The following HHLA2 variants were observed in gnomAD, a reference collection of about 807,000 sequenced individuals.
The protein encoded by HHLA2 is HERV-H LTR-associating protein 2.
A neutral mutation model predicts 45.9 loss-of-function variants in HHLA2; 48 were observed. The ratio of observed to expected loss-of-function variants is 1.05; its 90% CI spans 0.83 to 1.33. HHLA2 has a LOEUF of 1.33. HHLA2 is among the 40% of genes most tolerant of loss of function. The pLI, the probability that HHLA2 is intolerant of heterozygous loss-of-function variation, is 0.00. For missense variants in HHLA2, 462 were observed against 494.3 expected, an observed-to-expected ratio of 0.93 and a Z score of 0.62; for synonymous variants, 161 against 173.9, an observed-to-expected ratio of 0.93 and a Z score of 0.59.
intron 8 of HHLA2, among the ~76,000 whole-genome samples, chr3:108,366,014 C>G (rs909538769): frequency 9.9e-5 from 15 of 152,170 alleles, no homozygotes; most frequent in African/African-American, 3.6e-4. Context: ...ACTTCCAATA[C>G]TATGTTGAAC....
intron 8 of HHLA2, 125 bp from the exon 8 acceptor site, chr3:108,375,625 A>G (rs2082262631): frequency 1.6e-6 from 2 of 1,233,794 alleles, no homozygotes; most frequent in Admixed American, 5.8e-5. Flanking sequence ...GACACACGAA[A>G]AACCCTTCAA....
chr3:108,315,927 A>G (rs1296610838), intron 2 of HHLA2, among the ~76,000 whole-genome samples: 1 of 152,184 alleles, frequency 6.6e-6, no homozygotes, highest in Non-Finnish European at 1.5e-5. Flanking sequence ...AGAGGAATAT[A>G]TTTAGTCATC....
chr3:108,331,685 C>A (rs555878041), intron 3 of HHLA2, among the ~76,000 whole-genome samples: 29 of 152,132 alleles, frequency 1.9e-4, no homozygotes, highest in African/African-American at 6.5e-4. Flanking sequence ...TAATAAGAAC[C>A]CAGTGAATGA....
At chr3:108,372,430 A>G (rs2082194751) in intron 8 of HHLA2, among the ~76,000 whole-genome samples, 1 of 152,006 alleles carries the variant, frequency 6.6e-6, no homozygotes, top group South Asian at 2.1e-4. Flanking sequence ...GAGAAGCAAG[A>G]GCAAACACAT....
chr3:108,328,485 G>A, intron 3 of HHLA2: 3 of 611,692 alleles, frequency 4.9e-6, no homozygotes, highest in Non-Finnish European at 8.0e-6. Flanking sequence ...ATTTGGAGGT[G>A]AATATTATTA....
chr3:108,375,236 A>T (rs1389999726), intron 8 of HHLA2, among the ~76,000 whole-genome samples: 1 of 151,758 alleles, frequency 6.6e-6, no homozygotes, highest in Non-Finnish European at 1.5e-5. Context: ...AGGACAAAAA[A>T]CCAAACACGG....
chr3:108,377,972 T>C (rs561611252), exon 11 of HHLA2: 2 of 152,322 alleles, frequency 1.3e-5, no homozygotes, highest in Non-Finnish European at 2.9e-5. Context: ...AAAATAGCCT[T>C]AACTGATGAC....
chr3:108,317,985 C>T (rs1370819349), intron 2 of HHLA2, among the ~76,000 whole-genome samples: 1 of 151,850 alleles, frequency 6.6e-6, no homozygotes, highest in Non-Finnish European at 1.5e-5. Flanking sequence ...AATTCGAGAC[C>T]AGCCTCACCA....
intron 7 of HHLA2, among the ~76,000 whole-genome samples, chr3:108,361,814 T>C (rs2081988759): frequency 6.6e-6 from 1 of 152,054 alleles, no homozygotes. Context: ...TTTTATCACC[T>C]CTGAACTTAC....
chr3:108,329,067 AT>A (rs1387102369), intron 3 of HHLA2, among the ~76,000 whole-genome samples: 1 of 152,152 alleles, frequency 6.6e-6, no homozygotes, highest in Non-Finnish European at 1.5e-5. Flanking sequence ...AGAGTGTTTG[AT>A]TAGCTAAGTT....
At chr3:108,317,575 T>C (rs1025344235) in intron 2 of HHLA2, among the ~76,000 whole-genome samples, 1 of 145,492 alleles carries the variant, frequency 6.9e-6, no homozygotes, top group Non-Finnish European at 1.5e-5. Flanking sequence ...GGAGATTACT[T>C]CTTTTTTTTT....
chr3:108,306,283 G>C (rs950627038), intron 1 of HHLA2, among the ~76,000 whole-genome samples: 2 of 152,148 alleles, frequency 1.3e-5, no homozygotes, highest in African/African-American at 2.4e-5. Flanking sequence ...TCTGCTTCTT[G>C]TAGAACGTGA....
At chr3:108,342,407 G>C (rs968403010) in intron 3 of HHLA2, among the ~76,000 whole-genome samples, 2 of 151,964 alleles carry the variant, frequency 1.3e-5, no homozygotes, top group African/African-American at 4.8e-5. Context: ...GGGATTACAG[G>C]TGCCTACCAC....
intron 3 of HHLA2, among the ~76,000 whole-genome samples, chr3:108,342,414 C>T (rs1455560746): frequency 6.6e-6 from 1 of 152,010 alleles, no homozygotes; most frequent in Non-Finnish European, 1.5e-5. Flanking sequence ...CAGGTGCCTA[C>T]CACAATGCCT....
At chr3:108,358,015 C>T (rs764478334) in exon 7 of HHLA2, 2 of 1,613,792 alleles carry the variant, frequency 1.2e-6, no homozygotes, top group South Asian at 1.1e-5. Context: ...ATCAATGAAT[C>T]CCGATTCTCA....
At chr3:108,351,788 C>T (rs964614904) in exon 4 of HHLA2, 3 of 1,604,240 alleles carry the variant, frequency 1.9e-6, no homozygotes, top group Middle Eastern at 1.7e-4. Flanking sequence ...TCTTTGATAG[C>T]ATGACTAATA....
intron 2 of HHLA2, among the ~76,000 whole-genome samples, chr3:108,321,791 A>G (rs888775993): frequency 6.6e-6 from 1 of 151,812 alleles, no homozygotes; most frequent in Non-Finnish European, 1.5e-5. Flanking sequence ...CCTGATTTTA[A>G]AAATCTTTTT....
At chr3:108,361,017 G>A (rs375987652) in intron 7 of HHLA2, among the ~76,000 whole-genome samples, 9 of 152,228 alleles carry the variant, frequency 5.9e-5, no homozygotes, top group Middle Eastern at 3.4e-3. Flanking sequence ...TGCTGCCCTC[G>A]TTTTAGCAGA....
At chr3:108,305,856 A>G (rs2080920452) in intron 1 of HHLA2, among the ~76,000 whole-genome samples, 1 of 152,218 alleles carries the variant, frequency 6.6e-6, no homozygotes, top group African/African-American at 2.4e-5. Flanking sequence ...TTCCTGGAGA[A>G]AACCCAACTT....
Sources: allele counts gnomAD v4.1 joint callset (sites outside exome capture counted in the v4.1 genomes callset), GRCh38; gene constraint gnomAD v4.1.1; transcripts MANE v1.5; gene names NCBI Gene and HGNC (gene_info 2026-07-23, HGNC 2026-07-21).